The following CDHR3 variants were observed in gnomAD, a reference collection of about 807,000 sequenced individuals.
CDHR3 encodes cadherin-related family member 3.
A neutral mutation model predicts 86.6 loss-of-function variants in CDHR3; 79 were observed. The ratio of observed to expected loss-of-function variants is 0.91; its 90% CI spans 0.76 to 1.10. The LOEUF (loss-of-function observed/expected upper bound fraction) is 1.10, where lower values mean the gene tolerates loss of function less well. Among genes scored for constraint, CDHR3 ranks in the 50% least tolerant of loss-of-function variants. CDHR3 has a pLI of 0.00. For synonymous variants in CDHR3, 421 were observed against 402.4 expected (o/e 1.05, Z -0.55); for missense variants, 1,081 against 1,077.6 (o/e 1.00, Z -0.04).
intron 8 of CDHR3, among the ~76,000 whole-genome samples, chr7:106,009,697 C>T (rs1463437204): frequency 6.6e-6 from 1 of 152,184 alleles, no homozygotes; most frequent in African/African-American, 2.4e-5. Flanking sequence ...GGCTCCCAGC[C>T]TTTCGTACCG....
chr7:106,014,840 A>G (rs1200357786), intron 9 of CDHR3, among the ~76,000 whole-genome samples: 1 of 152,186 alleles, frequency 6.6e-6, no homozygotes, highest in East Asian at 1.9e-4. Flanking sequence ...AACGAATCTG[A>G]AGTTGTGATC....
rs80352742 is a variant in CDHR3, at chr7:105,991,031, C to T, written c.514-3720C>T. 3.6e-3 allele frequency among the ~76,000 whole-genome samples: 551 copies of T among 152,310 alleles called. 3 individuals carry two copies. The highest frequency in any genetic ancestry group is 0.013 in the African/African-American group (534 of 41,556). The stretch of plus-strand genomic sequence containing the variant: ...CCTGGGGTGGTGGTAAAGAAATATT[C>T]CCAGCAGGAAAACCAGAGAGCTTGT... On this transcript the variant is annotated intron_variant, in intron 4 of 18. Transcript: ENST00000317716.
At chr7:106,019,286 G>A (rs1184891473) in intron 12 of CDHR3, among the ~76,000 whole-genome samples, 2 of 152,186 alleles carry the variant, frequency 1.3e-5, no homozygotes, top group Admixed American at 6.5e-5. Context: ...CGCTTCCTCC[G>A]ATAACTTGCT....
chr7:105,993,000 C>T (rs1302918104), intron 4 of CDHR3, among the ~76,000 whole-genome samples: 1 of 152,216 alleles, frequency 6.6e-6, no homozygotes, highest in African/African-American at 2.4e-5. Flanking sequence ...TGCACACTGT[C>T]TTCTTGTGCT....
At chr7:106,018,485 C>T (rs879390787) in intron 12 of CDHR3, among the ~76,000 whole-genome samples, 2 of 152,314 alleles carry the variant, frequency 1.3e-5, no homozygotes, top group African/African-American at 4.8e-5. Context: ...ATCCACTCGC[C>T]TCAGCCTCTC....
chr7:105,983,605 G>T (rs1017916111), intron 3 of CDHR3, among the ~76,000 whole-genome samples: 1 of 152,014 alleles, frequency 6.6e-6, no homozygotes, highest in African/African-American at 2.4e-5. Context: ...GTCAGTGCTG[G>T]TACCGCCTGC....
In CDHR3 at chr7:106,028,980, CTTTCT is replaced by C. The variant is rs1168892479; in HGVS notation, c.2304+401_2304+405del. On this transcript the variant is annotated intron_variant, in intron 17 of 18. Transcript: ENST00000317716. ...TCTTTCTTTCTTTCTTTCTTTCTTT[CTTTCT>C]TTCTTTCTTTTTAAGACACAGTTTC... Among the ~76,000 whole-genome samples, 4 of 145,230 alleles carry C rather than the reference CTTTCT, an allele frequency of 2.8e-5. No individual in the cohort carries two copies. In the East Asian group the frequency reaches 8.1e-4, roughly 29 times the overall value.
At chr7:105,982,635 A>G (rs907275736) in intron 3 of CDHR3, among the ~76,000 whole-genome samples, 1 of 151,506 alleles carries the variant, frequency 6.6e-6, no homozygotes, top group Non-Finnish European at 1.5e-5. Flanking sequence ...ACCCTACCTC[A>G]GCATTTTGCA....
chr7:106,024,292 G>A, intron 14 of CDHR3, 89 bp from the exon 15 acceptor site: 1 of 1,130,914 alleles, frequency 8.8e-7, no homozygotes, highest in Non-Finnish European at 1.3e-6. Flanking sequence ...CAATAACAAA[G>A]AGTGGAATAA....
intron 7 of CDHR3, among the ~76,000 whole-genome samples, chr7:106,003,989 CAA>C (rs55815648): frequency 0.066 from 5,255 of 80,152 alleles, 64 homozygotes; most frequent in African/African-American, 0.12. Flanking sequence ...CCAACCTAAC[CAA>C]AAAAAAAAAA....
Position 105,993,392 on chromosome 7 carries a change from A to T in CDHR3, c.514-1359A>T, listed in dbSNP as rs567954320. Among the ~76,000 whole-genome samples the T allele has an allele frequency of 3.9e-5, 6 of 152,246 alleles. No individual in the cohort carries two copies. In the South Asian group the frequency reaches 1.2e-3, roughly 32 times the overall value. ...TGTGGTGAGGACCAGAGCTTAAGCT[A>T]GACGCAGTGGCTCATGCCTGTAATC... On this transcript the variant is annotated intron_variant, in intron 4 of 18. Coordinates refer to ENST00000317716, the MANE Select transcript of CDHR3 (RefSeq NM_152750.5).
intron 10 of CDHR3, 125 bp from the exon 11 acceptor site, chr7:106,015,802 A>G (rs1054575132): frequency 2.7e-6 from 2 of 742,464 alleles, no homozygotes; most frequent in African/African-American, 1.7e-5. Flanking sequence ...AGGAGCTCCC[A>G]TGTCTTAGCC....
chr7:106,032,864 T>A lies in CDHR3; in HGVS notation c.*167T>A. 1 of 625,700 alleles carries A rather than the reference T, an allele frequency of 1.6e-6. No homozygotes were observed. Among genetic ancestry groups the A allele is most frequent in the Non-Finnish European group, 2.7e-6 (1 of 364,600 alleles). 38.8% of individuals were successfully genotyped at this position (625,700 alleles called of 1,614,324 possible). Reference sequence around the variant, plus strand: ...AAATTTTTAAACAAATAGAAAGGGGTTTGATCACATAGTTGCGTGTTCTGA... The same window carrying A: ...AAATTTTTAAACAAATAGAAAGGGGATTGATCACATAGTTGCGTGTTCTGA... On this transcript the variant is annotated 3_prime_UTR_variant, in exon 19 of 19. Transcript: ENST00000317716.
chr7:105,985,161 GTCTCTTC>G (rs1403945227), intron 4 of CDHR3, among the ~76,000 whole-genome samples: 1 of 152,092 alleles, frequency 6.6e-6, no homozygotes, highest in Admixed American at 6.6e-5. Context: ...GACAGCGGAT[GTCTCTTC>G]TCTCCCTTCT....
intron 6 of CDHR3, among the ~76,000 whole-genome samples, chr7:105,996,707 G>A (rs1832298902): frequency 6.6e-6 from 1 of 152,148 alleles, no homozygotes; most frequent in South Asian, 2.1e-4. Context: ...CCCAGAGCAT[G>A]CATCATCACT....
At chr7:106,012,563 C>T (rs1484469537) in intron 8 of CDHR3, among the ~76,000 whole-genome samples, 2 of 152,100 alleles carry the variant, frequency 1.3e-5, no homozygotes, top group African/African-American at 2.4e-5. Flanking sequence ...CGTCATGAAG[C>T]GTCCTGCAGA....
chr7:105,979,026 A>T (rs1230694040), intron 2 of CDHR3, among the ~76,000 whole-genome samples: 1 of 152,132 alleles, frequency 6.6e-6, no homozygotes, highest in Non-Finnish European at 1.5e-5. Context: ...ATATTCCTTG[A>T]ACAGTTTTTG....
Position 106,013,040 on chromosome 7 carries a change from A to G in CDHR3, c.1224+9A>G. The G allele has an allele frequency of 1.9e-6, 3 of 1,587,086 alleles. No homozygotes were observed. The South Asian group carries it at 3.5e-5, about 18-fold the overall frequency. ...GCTCTGGGAAGATTGTGGTCAGTTA[A>G]TGGTCATTGCATCATTAAAAGGGCA... On this transcript the variant is annotated intron_variant, in intron 9 of 18. Coordinates refer to ENST00000317716, the MANE Select transcript of CDHR3 (RefSeq NM_152750.5).
intron 8 of CDHR3, among the ~76,000 whole-genome samples, chr7:106,011,298 G>A (rs1040488661): frequency 6.6e-6 from 1 of 152,140 alleles, no homozygotes; most frequent in Non-Finnish European, 1.5e-5. Context: ...CACGTGAATT[G>A]CTTTGACCAC....
Sources: allele counts gnomAD v4.1 joint callset (sites outside exome capture counted in the v4.1 genomes callset), GRCh38; gene constraint gnomAD v4.1.1; transcripts MANE v1.5; gene names NCBI Gene and HGNC (gene_info 2026-07-23, HGNC 2026-07-21).